CCT5: variants seen among roughly 807,000 people sequenced by gnomAD.
The protein encoded by CCT5 is T-complex protein 1 subunit epsilon.
A neutral mutation model predicts 55.0 loss-of-function variants in CCT5; 6 were observed. The observed-to-expected ratio is 0.11, with a 90% confidence interval of 0.06 to 0.22. CCT5 has a LOEUF of 0.22. Ranked by LOEUF, CCT5 falls within the 10% of genes least tolerant of loss-of-function variation. The probability of loss-of-function intolerance (pLI) is 1.00; values close to 1 mark genes in which losing one functional copy is unlikely to be tolerated. For missense variants in CCT5, 560 were observed against 694.6 expected (o/e 0.81, Z 2.18); for synonymous variants, 231 against 243.7 (o/e 0.95, Z 0.49).
In CCT5 at chr5:10,254,212, G is replaced by C. The variant is rs1561044915; in HGVS notation, c.166+7G>C. The C allele has an allele frequency of 1.9e-6, 3 of 1,567,054 alleles. No homozygotes were observed. Among genetic ancestry groups the C allele is most frequent in the Non-Finnish European group, 2.6e-6 (3 of 1,137,358 alleles). ...ACATCACTTGGACCAAATGGTAAGA[G>C]TCCACCATTCCGTGTTTTTTAGCAA... is the stretch of plus-strand genomic sequence containing the variant. On this transcript the variant is annotated splice_region_variant and intron_variant, in intron 2 of 10. Transcript: ENST00000280326.
In CCT5 at chr5:10,254,224, G is replaced by A. The variant is rs200807677; in HGVS notation, c.166+19G>A. 4.2e-5 allele frequency: 63 copies of A among 1,512,622 alleles called. No individual in the cohort carries two copies. Among genetic ancestry groups the A allele is most frequent in the East Asian group, 1.4e-4 (6 of 44,384 alleles). The allele number at this position is 1,512,622 out of a possible 1,614,324, so 93.7% of individuals were successfully genotyped here. The stretch of plus-strand genomic sequence containing the variant: ...CCAAATGGTAAGAGTCCACCATTCC[G>A]TGTTTTTTAGCAAAAGATTTAAATT... On this transcript the variant is annotated intron_variant, in intron 2 of 10. Coordinates refer to ENST00000280326, the MANE Select transcript of CCT5 (RefSeq NM_012073.5).
At chr5:10,249,935 C>G, upstream of CCT5, 2 of 716,850 alleles carry the variant, frequency 2.8e-6, no homozygotes, top group African/African-American at 3.8e-5. Context: ...AAAAAAAAAA[C>G]CGGAAATGGG....
At position 10,263,346 on chromosome 5, in the gene CCT5, GGGGGGA is replaced by G. The variant is rs775751364; in HGVS notation, c.1498+33_1498+38del. The G allele has an allele frequency of 2.9e-4, 456 of 1,588,326 alleles. 5 individuals are homozygous for G. In the South Asian group the frequency reaches 4.7e-3, roughly 16 times the overall value. On this transcript the variant is annotated intron_variant, in intron 10 of 10. Transcript: ENST00000280326. ...AGCTGTCACGCCTCTGCGTGGAGGG[GGGGGGA>G]TGTCTGATTTAAACTGAATAATCAT...
At chr5:10,261,853 C>A (rs747317644) in intron 8 of CCT5, 108 bp downstream of exon 8, 2 of 910,302 alleles carry the variant, frequency 2.2e-6, no homozygotes, top group South Asian at 1.3e-5. Context: ...GAAAAATAAT[C>A]GTGGTTCTCA....
At chr5:10,257,902 T>C in intron 4 of CCT5, 1 of 599,494 alleles carries the variant, frequency 1.7e-6, no homozygotes, top group Admixed American at 3.0e-5. Context: ...TTTTTTCCTA[T>C]CTAAGTATAC....
rs1013211223 is a variant in CCT5, at chr5:10,265,484, T to G, written c.*701T>G. ...GGACACAGTGAAGTGGAGGTTAAAG[T>G]AAATTACAGGAAATAAGGGAGAAAT... On this transcript the variant is annotated 3_prime_UTR_variant, in exon 11 of 11. Coordinates refer to ENST00000280326, the MANE Select transcript of CCT5 (RefSeq NM_012073.5). The G allele has an allele frequency of 2.0e-5, 3 of 152,308 alleles. No individual in the cohort carries two copies. The highest frequency in any genetic ancestry group is 2.9e-5 in the Non-Finnish European group (2 of 68,128). 9.4% of individuals were successfully genotyped at this position (152,308 alleles called of 1,614,324 possible).
rs758906555 is a variant in CCT5, at chr5:10,258,418, A to G, written c.756A>G (p.Thr252=). ...KVEDAKIAIL[T]CPFEPPKPKT... is the part of the protein sequence containing the mutation. ...AAGATGCGAAGATTGCAATTCTCAC[A>G]TGTCCATTTGAACCACCCAAACCAA... is the stretch of plus-strand genomic sequence containing the variant. Residue 252 remains threonine, a synonymous_variant, in exon 6 of 11, where the codon ACA becomes ACG. Transcript: ENST00000280326. 1.9e-6 allele frequency: 3 copies of G among 1,614,250 alleles called. No homozygotes were observed. The highest frequency in any genetic ancestry group is 1.7e-5 in the Admixed American group (1 of 60,034).
At chr5:10,253,091 CAAGGCAGGT>C (rs1745508312) in intron 1 of CCT5, among the ~76,000 whole-genome samples, 1 of 152,260 alleles carries the variant, frequency 6.6e-6, no homozygotes, top group African/African-American at 2.4e-5. Context: ...TTTGGGCAGC[CAAGGCAGGT>C]GGATCACCTG....
At position 10,251,069 on chromosome 5, in the gene CCT5, C is replaced by T. The variant is rs532534561; in HGVS notation, c.105+624C>T. Among the ~76,000 whole-genome samples, 24 of 152,206 alleles carry T rather than the reference C, an allele frequency of 1.6e-4. No homozygotes were observed. In the South Asian group the frequency reaches 3.1e-3, roughly 20 times the overall value. ...GTGGTGCTGGAGGACAGCTTTAGAT[C>T]GGGGTGAGAGGTAGCATTCTAGGGA... On this transcript the variant is annotated intron_variant, in intron 1 of 10. Transcript: ENST00000280326.
rs1746136159 is a variant in CCT5 at position 10,264,660 on chromosome 5, G to A, written c.1503G>A (p.Met501Ile). The part of the protein sequence containing the change: ...IDCLHKGTND[M>I]KQQHVIETLI... ...CAGTGTCCTTGTATTTTTCAGATAT[G>A]AAGCAACAGCATGTCATAGAAACCT... The change falls in exon 11 of 11, where the codon ATG (methionine) becomes ATA (isoleucine). Residue 501 changes from methionine (M) to isoleucine (I), a missense_variant. By Grantham distance (10) the Met-to-Ile change is conservative. Around this residue, in one of 4 missense-constraint regions of CCT5, gnomAD observed 115 missense variants for 105.0 expected, o/e 1.10. Transcript: ENST00000280326. 2 of 1,606,706 alleles carry A rather than the reference G, an allele frequency of 1.2e-6. No homozygotes were observed. The highest frequency in any genetic ancestry group is 4.5e-5 in the East Asian group (2 of 44,788).
At chr5:10,263,375 C>T in intron 10 of CCT5, 61 bp downstream of exon 10, 1 of 1,438,550 alleles carries the variant, frequency 7.0e-7, no homozygotes, top group Non-Finnish European at 9.7e-7. Context: ...ACTGAATAAT[C>T]ATCCACTGTA....
upstream of CCT5, chr5:10,250,063 G>A: frequency 6.5e-7 from 1 of 1,539,952 alleles, no homozygotes; most frequent in Non-Finnish European, 8.7e-7. Flanking sequence ...TTTAAAAAAT[G>A]ACAAATTCAA....
chr5:10,255,827 T>A, intron 3 of CCT5, 128 bp from the exon 4 acceptor site: 1 of 837,096 alleles, frequency 1.2e-6, no homozygotes, highest in South Asian at 1.5e-5. Flanking sequence ...GGCTTCTGCC[T>A]CTAAGATGAC....
chr5:10,253,118 GAGTTAA>G (rs200384390), intron 1 of CCT5, among the ~76,000 whole-genome samples: 1,908 of 152,250 alleles, frequency 0.013, 23 homozygotes, highest in Non-Finnish European at 0.018. Flanking sequence ...CTGAGGTCAG[GAGTTAA>G]AGACCAGCCT....
chr5:10,250,605 A>T, intron 1 of CCT5, 160 bp downstream of exon 1: 1 of 1,454,358 alleles, frequency 6.9e-7, no homozygotes, highest in South Asian at 1.4e-5. Flanking sequence ...CCGCTTACTG[A>T]GCTCGGGAGA....
intron 3 of CCT5, chr5:10,255,096 C>A (rs753464213): frequency 2.0e-6 from 1 of 491,072 alleles, no homozygotes; most frequent in Non-Finnish European, 3.7e-6. Context: ...GTCTTTTAAG[C>A]TATAAAGGAT....
At chr5:10,250,948 AG>A in intron 1 of CCT5, 1 of 845,838 alleles carries the variant, frequency 1.2e-6, no homozygotes, top group Non-Finnish European at 1.4e-6. Flanking sequence ...CCCACCCTTG[AG>A]GAAAAATAGC....
At chr5:10,255,689 T>C (rs1373029047) in intron 3 of CCT5, among the ~76,000 whole-genome samples, 3 of 152,230 alleles carry the variant, frequency 2.0e-5, no homozygotes, top group African/African-American at 7.2e-5. Context: ...AGAAAAATGT[T>C]CTTTTTACAT....
chr5:10,261,836 A>C, intron 8 of CCT5, 91 bp downstream of exon 8: 2 of 981,280 alleles, frequency 2.0e-6, no homozygotes, highest in Non-Finnish European at 3.3e-6. Flanking sequence ...AGACACAGTC[A>C]CCATAAGAAA....
Sources: allele counts gnomAD v4.1 joint callset (sites outside exome capture counted in the v4.1 genomes callset), GRCh38; gene constraint gnomAD v4.1.1; regional missense constraint gnomAD v4.1.1; transcripts MANE v1.5; gene names NCBI Gene and HGNC (gene_info 2026-07-23, HGNC 2026-07-21).